The following ROBO2 variants were observed in gnomAD, a reference collection of about 807,000 sequenced individuals.
ROBO2 encodes the protein roundabout homolog 2.
In ROBO2, 53 loss-of-function variants were observed where a neutral mutation model predicts 160.8. The observed-to-expected ratio is 0.33, with a 90% confidence interval of 0.26 to 0.41. The LOEUF is 0.41. ROBO2 is among the 10% of genes least tolerant of loss of function. The pLI, the probability that ROBO2 is intolerant of heterozygous loss-of-function variation, is 1.00. For missense variants in ROBO2, 1,577 were observed against 1,722.4 expected (o/e 0.92, Z 1.49); for synonymous variants, 664 against 611.7 (o/e 1.09, Z -1.26).
chr3:76,277,523 A>G (rs1163195951), intron 2 of ROBO2, among the ~76,000 whole-genome samples: 1 of 151,938 alleles, frequency 6.6e-6, no homozygotes, highest in Non-Finnish European at 1.5e-5. Context: ...AGGGATGCTC[A>G]GCTTTTGGTA....
intron 2 of ROBO2, among the ~76,000 whole-genome samples, chr3:76,653,690 C>A (rs2109924776): frequency 6.6e-6 from 1 of 152,146 alleles, no homozygotes; most frequent in Middle Eastern, 3.4e-3. Context: ...AAACTTCTCC[C>A]TTTATATGTA....
At chr3:77,430,121 G>A (rs1383509946) in intron 2 of ROBO2, among the ~76,000 whole-genome samples, 3 of 152,132 alleles carry the variant, frequency 2.0e-5, no homozygotes, top group Non-Finnish European at 2.9e-5. Context: ...GGAGAAGGGA[G>A]GACTTCTACT....
At chr3:76,700,439 A>G (rs1262681706) in intron 2 of ROBO2, among the ~76,000 whole-genome samples, 1 of 152,096 alleles carries the variant, frequency 6.6e-6, no homozygotes, top group Non-Finnish European at 1.5e-5. Context: ...AAAACTTTCC[A>G]GAGAGACACC....
intron 2 of ROBO2, among the ~76,000 whole-genome samples, chr3:76,156,737 G>A (rs1414141659): frequency 6.6e-6 from 1 of 152,208 alleles, no homozygotes; most frequent in Non-Finnish European, 1.5e-5. Context: ...GGAGGCCAAG[G>A]TGGGCGGATC....
At chr3:76,265,541 C>T (rs778175306) in intron 2 of ROBO2, among the ~76,000 whole-genome samples, 4 of 152,110 alleles carry the variant, frequency 2.6e-5, no homozygotes, top group Non-Finnish European at 2.9e-5. Flanking sequence ...TCACTCAACT[C>T]AATTTCTTCA....
intron 2 of ROBO2, among the ~76,000 whole-genome samples, chr3:77,015,571 T>TA (rs1332019835): frequency 7.2e-5 from 11 of 152,304 alleles, no homozygotes; most frequent in Middle Eastern, 3.4e-3. Context: ...GGTAGCATCA[T>TA]AAAAAATCAA....
intron 2 of ROBO2, among the ~76,000 whole-genome samples, chr3:76,831,683 T>C (rs1405601801): frequency 2.6e-5 from 4 of 152,218 alleles, no homozygotes; most frequent in Middle Eastern, 3.2e-3. Flanking sequence ...CTCATATTGT[T>C]TCCCTAAAAT....
intron 2 of ROBO2, among the ~76,000 whole-genome samples, chr3:77,326,001 T>G (rs182147697): frequency 5.9e-5 from 9 of 152,320 alleles, no homozygotes; most frequent in Admixed American, 2.6e-4. Context: ...TGCCATTGAT[T>G]TTTTTCTTTA....
chr3:77,614,274 G>A lies in ROBO2; in HGVS notation c.3294-3239G>A, dbSNP rs551724163. Among the ~76,000 whole-genome samples the A allele has an allele frequency of 2.6e-5, 4 of 152,200 alleles. No individual in the cohort carries two copies. In the South Asian group the frequency reaches 8.3e-4, roughly 32 times the overall value. On this transcript the variant is annotated intron_variant, in intron 21 of 25. Coordinates refer to ENST00000461745, the Ensembl canonical transcript of ROBO2. Reference sequence around the variant, plus strand: ...TGAGTTACAATATTTTAAAGCAATAGGATCTTTTTTCCACATGAAATTTAA... The same window carrying A: ...TGAGTTACAATATTTTAAAGCAATAAGATCTTTTTTCCACATGAAATTTAA...
intron 5 of ROBO2, among the ~76,000 whole-genome samples, chr3:77,502,520 G>C (rs1192381342): frequency 1.3e-5 from 2 of 151,834 alleles, no homozygotes; most frequent in Non-Finnish European, 2.9e-5. Flanking sequence ...ACACTATATT[G>C]GGTAAGAAAA....
At chr3:76,243,737 T>A (rs1246056726) in intron 2 of ROBO2, among the ~76,000 whole-genome samples, 4 of 152,192 alleles carry the variant, frequency 2.6e-5, no homozygotes, top group African/African-American at 2.4e-5. Context: ...TAATCTTATA[T>A]CTGCCCTCAA....
intron 2 of ROBO2, among the ~76,000 whole-genome samples, chr3:77,344,038 A>T (rs568732148): frequency 7.6e-4 from 116 of 152,308 alleles, no homozygotes; most frequent in Middle Eastern, 3.4e-3. Flanking sequence ...ATAATTAATA[A>T]ATGATTAGTA....
intron 2 of ROBO2, among the ~76,000 whole-genome samples, chr3:77,135,297 A>T (rs1034380953): frequency 2.6e-5 from 4 of 152,214 alleles, no homozygotes; most frequent in Non-Finnish European, 5.9e-5. Context: ...CCTTCACTAG[A>T]TTCTAACTTG....
intron 2 of ROBO2, among the ~76,000 whole-genome samples, chr3:76,238,774 A>G (rs1415254019): frequency 6.8e-6 from 1 of 146,206 alleles, no homozygotes; most frequent in African/African-American, 2.6e-5. Flanking sequence ...GATCTAATCA[A>G]CTCCCCACAG....
chr3:75,946,243 A>T (rs1229696505), intron 2 of ROBO2, among the ~76,000 whole-genome samples: 1 of 152,074 alleles, frequency 6.6e-6, no homozygotes, highest in African/African-American at 2.4e-5. Flanking sequence ...GCATCAAGGG[A>T]CGTGAGAAGA....
intron 2 of ROBO2, among the ~76,000 whole-genome samples, chr3:77,181,424 C>T (rs916224019): frequency 6.6e-6 from 1 of 151,990 alleles, no homozygotes; most frequent in South Asian, 2.1e-4. Flanking sequence ...TCACCAGTGA[C>T]TGAGAATACG....
In ROBO2 at chr3:76,248,497, C is replaced by T. The variant is rs1013127603; in HGVS notation, c.109+310895C>T. Among the ~76,000 whole-genome samples the T allele has an allele frequency of 2.6e-5, 3 of 115,610 alleles. No homozygotes were observed. The South Asian group carries it at 8.7e-4, about 34-fold the overall frequency. The allele number at this position is 115,610 out of a possible 152,430, so 75.8% of individuals were successfully genotyped here. On this transcript the variant is annotated intron_variant, in intron 2 of 26. Coordinates refer to the ROBO2 transcript ENST00000487694. ...CACACTCTGGGGACTGTGGTGGGGT[C>T]GGGGGAGGGGGGAGGGATAGCATTG...
chr3:76,737,722 A>G (rs2093736555), intron 2 of ROBO2, among the ~76,000 whole-genome samples: 1 of 152,222 alleles, frequency 6.6e-6, no homozygotes, highest in South Asian at 2.1e-4. Flanking sequence ...TTTACTCTAG[A>G]GAAATTGTAT....
chr3:77,292,263 G>A (rs1038659482), intron 2 of ROBO2, among the ~76,000 whole-genome samples: 6 of 151,754 alleles, frequency 4.0e-5, no homozygotes, highest in Admixed American at 2.0e-4. Context: ...CGGCCAAACG[G>A]GTAAGCTGAG....
Sources: allele counts gnomAD v4.1 joint callset (sites outside exome capture counted in the v4.1 genomes callset), GRCh38; gene constraint gnomAD v4.1.1; transcripts MANE v1.5; gene names NCBI Gene and HGNC (gene_info 2026-07-23, HGNC 2026-07-21).